ADGRE3: variants seen among roughly 807,000 people sequenced by gnomAD.
ADGRE3 encodes the protein adhesion G protein-coupled receptor E3.
ADGRE3 carries 88 observed loss-of-function variants against 80.1 expected under a neutral mutation model. That is an observed-to-expected ratio of 1.10 (90% CI 0.93 to 1.31). The LOEUF (loss-of-function observed/expected upper bound fraction) is 1.31. ADGRE3 is among the 40% of genes most tolerant of loss of function. ADGRE3 has a pLI of 0.00. For synonymous variants in ADGRE3, 281 were observed against 294.8 expected (o/e 0.95, Z 0.48); for missense variants, 715 against 776.5 (o/e 0.92, Z 0.94).
chr19:14,612,526 G>C, the ADGRE3 span, among the ~76,000 whole-genome samples: 1 of 151,950 alleles, frequency 6.6e-6, no homozygotes, highest in Admixed American at 6.6e-5. Flanking sequence ...GTAGCAACGG[G>C]GTTTCACCAT....
chr19:14,601,730 C>T, the ADGRE3 span, among the ~76,000 whole-genome samples: 4 of 152,118 alleles, frequency 2.6e-5, no homozygotes, highest in Non-Finnish European at 5.9e-5. Context: ...GCAATTCTTT[C>T]GCCTCACCCT....
At chr19:14,665,936 G>GTATATATATGCATACACATA (rs71166783) in intron 2 of ADGRE3, among the ~76,000 whole-genome samples, 1 of 42,098 alleles carries the variant, frequency 2.4e-5, no homozygotes, top group African/African-American at 1.1e-4. Context: ...ACACATATGT[G>GTATATATATGCATACACATA]TATATATATA....
downstream of ADGRE3, among the ~76,000 whole-genome samples, chr19:14,614,954 C>T (rs1329680838): frequency 6.7e-6 from 1 of 150,254 alleles, no homozygotes; most frequent in Admixed American, 6.7e-5. Context: ...GGTGCAATCA[C>T]AGCTCATTGT....
chr19:14,650,989 G>A (rs548292256), intron 7 of ADGRE3, 96 bp downstream of exon 7: 1 of 1,288,280 alleles, frequency 7.8e-7, no homozygotes, highest in Admixed American at 2.1e-5. Flanking sequence ...AGGGTAAAAA[G>A]CCCATGAGGG....
At chr19:14,668,576 G>T (rs1308078645) in intron 2 of ADGRE3, 2 of 546,642 alleles carry the variant, frequency 3.7e-6, no homozygotes, top group Admixed American at 3.3e-5. Flanking sequence ...TACTCACTGT[G>T]GTTAGCAAAA....
chr19:14,657,559 T>C (rs1971803145), intron 5 of ADGRE3, among the ~76,000 whole-genome samples: 1 of 151,352 alleles, frequency 6.6e-6, no homozygotes, highest in Admixed American at 6.6e-5. Flanking sequence ...TATATCTATA[T>C]ATATATATAA....
intron 13 of ADGRE3, among the ~76,000 whole-genome samples, chr19:14,630,602 T>C (rs1199794409): frequency 1.1e-4 from 16 of 151,918 alleles, no homozygotes. Context: ...TTAGTGGAGA[T>C]GGGGTTTCGC....
intron 9 of ADGRE3, among the ~76,000 whole-genome samples, chr19:14,643,382 G>A (rs948613489): frequency 6.6e-6 from 1 of 151,906 alleles, no homozygotes; most frequent in African/African-American, 2.4e-5. Flanking sequence ...CTGACCTCGT[G>A]ATCTGCCTGC....
At chr19:14,626,832 T>C (rs1970748248) in intron 14 of ADGRE3, among the ~76,000 whole-genome samples, 1 of 152,056 alleles carries the variant, frequency 6.6e-6, no homozygotes, top group Non-Finnish European at 1.5e-5. Flanking sequence ...GGAGCTGGGG[T>C]ATTTATCCAC....
downstream of ADGRE3, among the ~76,000 whole-genome samples, chr19:14,614,585 T>A (rs1262895168): frequency 6.6e-6 from 1 of 151,808 alleles, no homozygotes; most frequent in Non-Finnish European, 1.5e-5. Context: ...CGCCAATCTT[T>A]TTTTTTTTTT....
chr19:14,629,124 A>G (rs2146809870), intron 14 of ADGRE3, among the ~76,000 whole-genome samples: 1 of 152,080 alleles, frequency 6.6e-6, no homozygotes, highest in Admixed American at 6.6e-5. Flanking sequence ...GGGTTTCGCC[A>G]TGTTCGTCAG....
At chr19:14,620,568 A>ATATTTTTTT (rs1435435269) in intron 15 of ADGRE3, among the ~76,000 whole-genome samples, 1 of 11,054 alleles carries the variant, frequency 9.0e-5, no homozygotes, top group Non-Finnish European at 1.5e-4. Flanking sequence ...ATATATATAT[A>ATATTTTTTT]TTTTTTTTTT....
intron 14 of ADGRE3, among the ~76,000 whole-genome samples, chr19:14,628,444 A>G (rs1255939831): frequency 6.6e-6 from 1 of 151,980 alleles, no homozygotes; most frequent in Admixed American, 6.6e-5. Context: ...GTCTCAAAAA[A>G]TAAATAAATA....
Position 14,638,106 on chromosome 19 carries a change from G to A in ADGRE3, c.1483C>T (p.Arg495Ter), listed in dbSNP as rs149254238. 1.9e-4 allele frequency: 298 copies of A among 1,610,482 alleles called. No homozygotes were observed. Among genetic ancestry groups the A allele is most frequent in the Middle Eastern group, 3.3e-4 (2 of 6,080 alleles). ...ACACAAGGTGGGATTCAAGCTCACC[G>A]ATCAGCAGTTCCATAAAGGTGAGGC... Reference protein sequence around the residue: ...SWPHLYGTADRCWLHLDQGFM... With the variant: ...SWPHLYGTAD Residue 495 changes from arginine to a stop codon, truncating the protein, a stop_gained and splice_region_variant, in exon 11 of 16, where the codon CGA (arginine) becomes TGA (stop). Transcript: ENST00000253673. LOFTEE classifies it high-confidence loss of function.
intron 9 of ADGRE3, among the ~76,000 whole-genome samples, chr19:14,643,634 G>A (rs1248370268): frequency 1.3e-5 from 2 of 152,094 alleles, no homozygotes; most frequent in East Asian, 3.8e-4. Flanking sequence ...CTGCATCTGT[G>A]TGACTTTCCT....
intron 11 of ADGRE3, among the ~76,000 whole-genome samples, chr19:14,635,079 C>A (rs1315827367): frequency 6.6e-6 from 1 of 152,078 alleles, no homozygotes; most frequent in South Asian, 2.1e-4. Flanking sequence ...CCACATTCCT[C>A]GTCATTGTTT....
In ADGRE3 at chr19:14,672,051, T is replaced by C. The variant is rs1325491745; in HGVS notation, c.25+2695A>G. On this transcript the variant is annotated intron_variant, in intron 1 of 15. Coordinates refer to ENST00000253673, the MANE Select transcript of ADGRE3 (RefSeq NM_032571.5). ...ATGCGTGAGGCACTTTCTTCTTTTG[T>C]ATATACATGAATGTGTAGCAGCCAC... is the stretch of plus-strand genomic sequence containing the variant. 5.3e-5 allele frequency among the ~76,000 whole-genome samples: 8 copies of C among 152,284 alleles called. No homozygotes were observed. The South Asian group carries it at 1.5e-3, about 28-fold the overall frequency.
intron 9 of ADGRE3, among the ~76,000 whole-genome samples, chr19:14,642,349 A>G (rs1389105386): frequency 6.6e-6 from 1 of 152,184 alleles, no homozygotes; most frequent in Admixed American, 6.6e-5. Flanking sequence ...CGTATCTAAA[A>G]AAAAAATAAA....
Position 14,636,088 on chromosome 19 carries a change from T to TTCTTTCTTTCTTTC in ADGRE3, c.1484+2003_1484+2016dup, listed in dbSNP as rs1157310054. 8.3e-4 allele frequency among the ~76,000 whole-genome samples: 25 copies of TTCTTTCTTTCTTTC among 29,954 alleles called. 1 individual carries two copies. The highest frequency in any genetic ancestry group is 2.1e-3 in the African/African-American group (21 of 9,912). The allele number at this position is 29,954 out of a possible 152,430, so 19.7% of individuals were successfully genotyped here. On this transcript the variant is annotated intron_variant, in intron 11 of 15. Transcript: ENST00000253673. The stretch of plus-strand genomic sequence containing the variant: ...TTCCTTTCCTTTCCTTTCCCTTTCT[T>TTCTTTCTTTCTTTC]TCTTTCTTTCTTTCTTTCTTTCTTT...
Sources: gnomAD v4.1 joint callset for allele counts (sites outside exome capture counted in the v4.1 genomes callset) on GRCh38, gnomAD v4.1.1 for gene constraint, MANE v1.5 for transcripts, NCBI Gene and HGNC (gene_info 2026-07-23, HGNC 2026-07-21) for gene names.